HSD17B3: variants seen among roughly 807,000 people sequenced by gnomAD.
HSD17B3 encodes hydroxysteroid 17-beta dehydrogenase 3.
Under a neutral mutation model 41.1 loss-of-function variants are expected in HSD17B3, and 29 were observed. The observed-to-expected ratio is 0.71, with a 90% confidence interval of 0.53 to 0.96. HSD17B3 has a LOEUF of 0.96. Ranked by LOEUF, HSD17B3 falls within the 40% of genes least tolerant of loss-of-function variation. The pLI is 0.00. For missense variants in HSD17B3, 323 were observed against 374.6 expected, an observed-to-expected ratio of 0.86 and a Z score of 1.14; for synonymous variants, 126 against 145.6, an observed-to-expected ratio of 0.87 and a Z score of 0.97.
intron 2 of HSD17B3, 143 bp downstream of exon 2, chr9:96,298,273 G>C: frequency 1.3e-6 from 1 of 760,888 alleles, no homozygotes; most frequent in South Asian, 1.4e-5. Context: ...TATTATTTTT[G>C]TTTGCTTTTC....
Position 96,249,759 on chromosome 9 carries a change from C to T in HSD17B3, c.481G>A (p.Val161Ile), listed in dbSNP as rs192981275. ...ATATATTGATCACATACCTTGACTACGGAGGTGATGTTACAATGGATGAGG... is the reference window on the plus strand; with the variant it reads ...ATATATTGATCACATACCTTGACTATGGAGGTGATGTTACAATGGATGAGG... ...QSLIHCNITS[V>I]VKMTQLILKH... Residue 161 changes from valine (V) to isoleucine (I), a missense_variant, in exon 6 of 11, where the codon GTA becomes ATA. By Grantham distance (29) the Val-to-Ile change is conservative. Coordinates refer to ENST00000375263, the MANE Select transcript of HSD17B3 (RefSeq NM_000197.2). 8.1e-6 allele frequency: 13 copies of T among 1,613,906 alleles called. No homozygotes were observed. Among genetic ancestry groups the T allele is most frequent in the East Asian group, 2.2e-5 (1 of 44,890 alleles).
intron 8 of HSD17B3, among the ~76,000 whole-genome samples, 172 bp downstream of exon 8, chr9:96,245,173 G>A (rs1004740763): frequency 6.6e-6 from 1 of 152,216 alleles, no homozygotes; most frequent in Non-Finnish European, 1.5e-5. Context: ...CCCAGAGCAG[G>A]TGCTTTATTC....
At chr9:96,288,486 A>G (rs1024469304) in intron 2 of HSD17B3, among the ~76,000 whole-genome samples, 1 of 152,146 alleles carries the variant, frequency 6.6e-6, no homozygotes, top group Non-Finnish European at 1.5e-5. Context: ...TCCATTAAAA[A>G]GACAAGCAAT....
At chr9:96,279,727 T>C (rs1019912561) in intron 2 of HSD17B3, among the ~76,000 whole-genome samples, 1 of 152,088 alleles carries the variant, frequency 6.6e-6, no homozygotes. Flanking sequence ...TAGGGCCTGC[T>C]GTCTGTGATG....
intron 2 of HSD17B3, among the ~76,000 whole-genome samples, chr9:96,290,456 CTTTTTTTTTT>C (rs61373611): frequency 2.3e-4 from 18 of 78,420 alleles, no homozygotes; most frequent in African/African-American, 4.5e-4. Context: ...ATTTCCTGGG[CTTTTTTTTTT>C]TTTTTTTTTT....
intron 2 of HSD17B3, among the ~76,000 whole-genome samples, chr9:96,274,970 T>C (rs1826392627): frequency 6.6e-6 from 1 of 152,026 alleles, no homozygotes; most frequent in Non-Finnish European, 1.5e-5. Context: ...TGTCAAAATT[T>C]AAGGACAAAG....
intron 6 of HSD17B3, among the ~76,000 whole-genome samples, chr9:96,248,621 G>A (rs1031534718): frequency 1.3e-5 from 2 of 152,188 alleles, no homozygotes; most frequent in South Asian, 2.1e-4. Context: ...AAGGTGTGGG[G>A]TTAGTGCAGG....
In HSD17B3 at chr9:96,235,426, A is replaced by T; in HGVS notation, c.*34T>A. 1 of 1,447,400 alleles carries T rather than the reference A, an allele frequency of 6.9e-7. No individual in the cohort carries two copies. The highest frequency in any genetic ancestry group is 9.7e-7 in the Non-Finnish European group (1 of 1,034,338). 89.7% of individuals were successfully genotyped at this position (1,447,400 alleles called of 1,614,324 possible). On this transcript the variant is annotated 3_prime_UTR_variant, in exon 11 of 11. Coordinates refer to ENST00000375263, the MANE Select transcript of HSD17B3 (RefSeq NM_000197.2). ...CTCTTCAGCCAGCATGGGACTGGTGAGGAAAAGGTTGTGCTGGACTCCTCA... is the reference window on the plus strand; with the variant it reads ...CTCTTCAGCCAGCATGGGACTGGTGTGGAAAAGGTTGTGCTGGACTCCTCA...
chr9:96,239,464 T>C (rs1252279196), intron 10 of HSD17B3: 7 of 152,354 alleles, frequency 4.6e-5, no homozygotes, highest in Non-Finnish European at 7.3e-5. Context: ...TTATATCCTC[T>C]CTGCATGTCT....
chr9:96,283,090 C>T (rs1363922140), intron 2 of HSD17B3, among the ~76,000 whole-genome samples: 1 of 140,860 alleles, frequency 7.1e-6, no homozygotes, highest in South Asian at 2.2e-4. Context: ...ACTGCAACCT[C>T]TGCCTCCTGG....
chr9:96,267,902 C>G (rs1826098616), intron 2 of HSD17B3, among the ~76,000 whole-genome samples: 1 of 151,912 alleles, frequency 6.6e-6, no homozygotes, highest in African/African-American at 2.4e-5. Flanking sequence ...CAGCCTTCCC[C>G]CTCCATATCT....
intron 10 of HSD17B3, among the ~76,000 whole-genome samples, chr9:96,237,410 G>C (rs1345536389): frequency 1.3e-5 from 2 of 152,120 alleles, no homozygotes; most frequent in Admixed American, 6.5e-5. Context: ...TCTGAGCTTT[G>C]TTTTCCTCCA....
At position 96,244,431 on chromosome 9, in the gene HSD17B3, T is replaced by C. The variant is rs368099240; in HGVS notation, c.607-37A>G. On this transcript the variant is annotated intron_variant, in intron 8 of 10. Coordinates refer to ENST00000375263, the MANE Select transcript of HSD17B3 (RefSeq NM_000197.2). ...AGGAGAGACACCTGAGGCCCCAGAG[T>C]GAGCTCCCTCGTCAGAGCCAACTTC... 386 of 1,608,088 alleles carry C rather than the reference T, an allele frequency of 2.4e-4. 1 individual carries two copies. The highest frequency in any genetic ancestry group is 3.3e-5 in the Non-Finnish European group (39 of 1,174,726).
intron 2 of HSD17B3, among the ~76,000 whole-genome samples, chr9:96,290,601 A>G (rs1366107441): frequency 6.6e-6 from 1 of 151,830 alleles, no homozygotes; most frequent in Non-Finnish European, 1.5e-5. Flanking sequence ...TCGGATGCCA[A>G]GGCAGGTGGA....
At chr9:96,247,546 A>AG (rs1297908322) in intron 6 of HSD17B3, among the ~76,000 whole-genome samples, 1 of 152,100 alleles carries the variant, frequency 6.6e-6, no homozygotes, top group Non-Finnish European at 1.5e-5. Flanking sequence ...AGGGCAGTGG[A>AG]GGGGGTGGGG....
chr9:96,295,116 C>T (rs547233973), intron 2 of HSD17B3, among the ~76,000 whole-genome samples: 16 of 149,288 alleles, frequency 1.1e-4, no homozygotes, highest in African/African-American at 3.7e-4. Flanking sequence ...AAGCGATTCT[C>T]CTGCCTCAGC....
chr9:96,298,352 G>T, intron 2 of HSD17B3, 64 bp downstream of exon 2: 2 of 1,231,032 alleles, frequency 1.6e-6, no homozygotes, highest in Non-Finnish European at 2.4e-6. Context: ...GTGTTGGGGT[G>T]GATGTCTCAG....
At chr9:96,238,779 G>A (rs1039919490) in intron 10 of HSD17B3, among the ~76,000 whole-genome samples, 7 of 152,220 alleles carry the variant, frequency 4.6e-5, no homozygotes, top group Non-Finnish European at 1.0e-4. Flanking sequence ...CTAGGCTGGG[G>A]GCTGAAGGAT....
At chr9:96,249,472 G>A in intron 6 of HSD17B3, 1 of 454,582 alleles carries the variant, frequency 2.2e-6, no homozygotes, top group Non-Finnish European at 3.9e-6. Flanking sequence ...TTGGAATCCT[G>A]AATACGTTTC....
Sources: gnomAD v4.1 joint callset for allele counts (sites outside exome capture counted in the v4.1 genomes callset) on GRCh38, gnomAD v4.1.1 for gene constraint, MANE v1.5 for transcripts, NCBI Gene and HGNC (gene_info 2026-07-23, HGNC 2026-07-21) for gene names.